Variants in INTS6 observed in about 807,000 individuals in gnomAD.
INTS6 encodes integrator complex subunit 6, also known as DEAD box protein.
INTS6 carries 16 observed loss-of-function variants against 104.9 expected under a neutral mutation model. The ratio of observed to expected loss-of-function variants is 0.15; its 90% CI spans 0.10 to 0.23. The LOEUF is 0.23. INTS6 is among the 10% of genes least tolerant of loss of function. INTS6 has a pLI of 1.00. For synonymous variants in INTS6, 324 were observed against 358.7 expected (o/e 0.90, Z 1.09); for missense variants, 584 against 1,062.8 (o/e 0.55, Z 6.26).
At chr13:51,401,488 A>G (rs1335897456) in intron 4 of INTS6, among the ~76,000 whole-genome samples, 7 of 152,158 alleles carry the variant, frequency 4.6e-5, no homozygotes, top group African/African-American at 1.7e-4. Flanking sequence ...AGAGTTTCAT[A>G]AGAGCTGTTT....
the INTS6 span, among the ~76,000 whole-genome samples, chr13:51,345,592 CAAAAAAAAAAA>C: frequency 1.9e-4 from 7 of 37,044 alleles, no homozygotes; most frequent in South Asian, 1.2e-3. Flanking sequence ...GATTTCATCT[CAAAAAAAAAAA>C]AAAAAAAAAA....
intron 13 of INTS6, 35 bp from the exon 14 acceptor site, chr13:51,374,831 C>T (rs1297594903): frequency 6.2e-7 from 1 of 1,605,582 alleles, no homozygotes; most frequent in South Asian, 1.1e-5. Flanking sequence ...AAAAAGTTAA[C>T]CTCCAATTAG....
intron 4 of INTS6, among the ~76,000 whole-genome samples, chr13:51,404,505 A>C (rs1261390949): frequency 6.6e-6 from 1 of 152,056 alleles, no homozygotes; most frequent in East Asian, 1.9e-4. Flanking sequence ...TGCAAAGCCT[A>C]CCTGACACCT....
At chr13:51,375,497 T>C (rs1371737106) in intron 13 of INTS6, among the ~76,000 whole-genome samples, 1 of 142,850 alleles carries the variant, frequency 7.0e-6, no homozygotes. Context: ...AAAAGTCGCA[T>C]AGCTAACTCT....
chr13:51,452,618 G>A lies in INTS6; in HGVS notation c.-93C>T. The A allele has an allele frequency of 1.3e-6, 2 of 1,542,540 alleles. No individual in the cohort carries two copies. Among genetic ancestry groups the A allele is most frequent in the Non-Finnish European group, 1.8e-6 (2 of 1,142,316 alleles). On this transcript the variant is annotated 5_prime_UTR_variant, in exon 1 of 18. Transcript: ENST00000311234. This position sits in a 1 kb window ranked among gnomAD's most constrained non-coding sequence, Gnocchi z 4.2. ...GGTGGCGGCGACCGCCGCTACGCGG[G>A]GCGGGGGAGCACGGCCCCCGGGAGG...
In INTS6 at chr13:51,413,186, T is replaced by C. The variant is rs192945459; in HGVS notation, c.429+17108A>G. Reference sequence around the variant, plus strand: ...CTACTTAATTACACACTATGATAAATACTATAAGAAAAAAGTTTTTTTTTT... The same window carrying C: ...CTACTTAATTACACACTATGATAAACACTATAAGAAAAAAGTTTTTTTTTT... On this transcript the variant is annotated intron_variant, in intron 4 of 17. Transcript: ENST00000311234. Among the ~76,000 whole-genome samples, 449 of 152,144 alleles carry C rather than the reference T, an allele frequency of 3.0e-3. 3 individuals are homozygous for C. Among genetic ancestry groups the C allele is most frequent in the East Asian group, 1.2e-3 (6 of 5,174 alleles).
intron 15 of INTS6, among the ~76,000 whole-genome samples, chr13:51,371,895 C>T (rs1955814473): frequency 6.6e-6 from 1 of 152,158 alleles, no homozygotes; most frequent in South Asian, 2.1e-4. Flanking sequence ...CCCCCACATT[C>T]AGTGTCAATG....
Position 51,362,218 on chromosome 13 carries a change from C to G in INTS6, c.*3534G>C, listed in dbSNP as rs1298018083. On this transcript the variant is annotated 3_prime_UTR_variant, in exon 18 of 18. Coordinates refer to ENST00000311234, the MANE Select transcript of INTS6 (RefSeq NM_012141.3). ...AAAGTAAAATAAATTATAAATCTTG[C>G]CCTTTTTTCCCTTTGTCCCCTAGCT... 1.9e-6 allele frequency: 1 copy of G among 538,106 alleles called. No homozygotes were observed. The highest frequency in any genetic ancestry group is 4.2e-5 in the Admixed American group (1 of 23,828). 33.3% of individuals were successfully genotyped at this position (538,106 alleles called of 1,614,324 possible).
chr13:51,350,314 C>A (rs938961373), downstream of INTS6, among the ~76,000 whole-genome samples: 2 of 152,118 alleles, frequency 1.3e-5, no homozygotes, highest in African/African-American at 2.4e-5. Flanking sequence ...GACTGTTAAT[C>A]TTCATGAGGG....
At chr13:51,427,042 G>A (rs1459455520) in intron 4 of INTS6, among the ~76,000 whole-genome samples, 2 of 152,024 alleles carry the variant, frequency 1.3e-5, no homozygotes, top group African/African-American at 4.8e-5. Context: ...ATGATATAAG[G>A]ATGATTTTAA....
the INTS6 span, chr13:51,348,086 T>C: frequency 1.1e-3 from 742 of 692,644 alleles, 2 homozygotes; most frequent in Middle Eastern, 2.3e-3. Context: ...AACCGCCTCC[T>C]GAGGGTGAGG....
At chr13:51,347,041 G>T in the INTS6 span, 1 of 1,585,054 alleles carries the variant, frequency 6.3e-7, no homozygotes, top group African/African-American at 1.3e-5. Context: ...GCCCCAGTGA[G>T]GGCCCTGGTG....
chr13:51,451,973 G>C lies in INTS6; in HGVS notation c.189+5C>G, dbSNP rs758014353. ...GGAGGAAAGGGGGAGGGCGAGGGCT[G>C]TTACCTTGATAGCATAGGGCGGCTC... On this transcript the variant is annotated splice_donor_5th_base_variant and intron_variant, in intron 2 of 17. Coordinates refer to ENST00000311234, the MANE Select transcript of INTS6 (RefSeq NM_012141.3). The C allele has an allele frequency of 4.4e-6, 7 of 1,607,216 alleles. No individual in the cohort carries two copies. In the East Asian group the frequency reaches 1.6e-4, roughly 36 times the overall value.
Position 51,374,640 on chromosome 13 carries a change from C to A in INTS6, c.1872+14G>T, listed in dbSNP as rs1047024491. The A allele has an allele frequency of 6.2e-7, 1 of 1,612,188 alleles. No homozygotes were observed. The highest frequency in any genetic ancestry group is 1.3e-5 in the African/African-American group (1 of 74,950). On this transcript the variant is annotated intron_variant, in intron 14 of 17. Coordinates refer to ENST00000311234, the MANE Select transcript of INTS6 (RefSeq NM_012141.3). ...ACCATAAACAAATTACATAATAGAA[C>A]ATTTCAAAATTACCTTCTTATCCAG...
chr13:51,414,367 A>G (rs1309594446), intron 4 of INTS6, among the ~76,000 whole-genome samples: 1 of 152,218 alleles, frequency 6.6e-6, no homozygotes, highest in African/African-American at 2.4e-5. Flanking sequence ...TAAAAAATAT[A>G]CCTTGCCAGA....
chr13:51,393,074 ATTTT>A (rs368682215), intron 5 of INTS6, among the ~76,000 whole-genome samples: 2 of 139,432 alleles, frequency 1.4e-5, no homozygotes, highest in African/African-American at 2.7e-5. Flanking sequence ...AAACAACTAA[ATTTT>A]TTTTTTTTTT....
rs1489854762 is a variant in INTS6 at position 51,452,202 on chromosome 13, A to C, written c.112-147T>G. On this transcript the variant is annotated intron_variant, in intron 1 of 17. Transcript: ENST00000311234. The surrounding 1 kb of genome is among the most constrained non-coding windows in gnomAD (Gnocchi z 4.2). ...CCTCCACGCCGTCCCCCACACACAG[A>C]TCGCTCCCCACACACCGCCCGGGGC... is the stretch of plus-strand genomic sequence containing the variant. 5.4e-5 allele frequency: 40 copies of C among 737,492 alleles called. No individual in the cohort carries two copies. Among genetic ancestry groups the C allele is most frequent in the Non-Finnish European group, 7.5e-5 (37 of 491,636 alleles). The allele number at this position is 737,492 out of a possible 1,614,324, so 45.7% of individuals were successfully genotyped here. A position where few individuals can be genotyped will look rare whatever the true frequency, so the allele number is the denominator to read the frequency against.
intron 4 of INTS6, among the ~76,000 whole-genome samples, chr13:51,405,778 G>A (rs1956551110): frequency 6.6e-6 from 1 of 152,064 alleles, no homozygotes. Context: ...CAGCACCAAA[G>A]CCCCAGACAT....
chr13:51,338,447 GTGGATGGATGGATGGATGGATGGATGGA>G, the INTS6 span, among the ~76,000 whole-genome samples: 1 of 149,092 alleles, frequency 6.7e-6, no homozygotes, highest in Non-Finnish European at 1.5e-5. Flanking sequence ...GGATGGATAG[GTGGATGGATGGATGGATGGATGGATGGA>G]TGGATGGATG....
Sources: allele counts gnomAD v4.1 joint callset (sites outside exome capture counted in the v4.1 genomes callset), GRCh38; gene constraint gnomAD v4.1.1; non-coding constraint Gnocchi (gnomAD v3.1); transcripts MANE v1.5; gene names NCBI Gene and HGNC (gene_info 2026-07-23, HGNC 2026-07-21).